The following PTDSS1 variants were observed in gnomAD, a reference collection of about 807,000 sequenced individuals.
The protein encoded by PTDSS1 is phosphatidylserine synthase 1.
PTDSS1 carries 45 observed loss-of-function variants against 70.5 expected under a neutral mutation model. That is an observed-to-expected ratio of 0.64 (90% confidence interval 0.50 to 0.82). PTDSS1 has a LOEUF of 0.82. Ranked by LOEUF, PTDSS1 falls within the 40% of genes least tolerant of loss-of-function variation. PTDSS1 has a pLI of 0.00. For missense variants in PTDSS1, 417 were observed against 586.1 expected (o/e 0.71, Z 2.98); for synonymous variants, 188 against 203.8 (o/e 0.92, Z 0.66).
At chr8:96,318,052 GGCTGGCTCAT>G (rs961369371) in intron 9 of PTDSS1, among the ~76,000 whole-genome samples, 4 of 151,760 alleles carry the variant, frequency 2.6e-5, no homozygotes, top group Middle Eastern at 3.4e-3. Context: ...AGGGCCCTCA[GGCTGGCTCAT>G]GCCTGTAATC....
At chr8:96,280,305 C>A (rs186814359) in intron 2 of PTDSS1, among the ~76,000 whole-genome samples, 1 of 152,148 alleles carries the variant, frequency 6.6e-6, no homozygotes, top group East Asian at 1.9e-4. Flanking sequence ...GCGGATCACT[C>A]GAGGTCAGGA....
chr8:96,286,698 C>G (rs544411996), intron 3 of PTDSS1, among the ~76,000 whole-genome samples: 2 of 152,262 alleles, frequency 1.3e-5, no homozygotes, highest in East Asian at 3.9e-4. Flanking sequence ...TTTCGGAAAC[C>G]GACCTGCATG....
intron 12 of PTDSS1, 46 bp from the exon 13 acceptor site, chr8:96,333,411 A>G (rs1474119411): frequency 7.1e-6 from 11 of 1,546,868 alleles, no homozygotes; most frequent in African/African-American, 4.1e-5. Flanking sequence ...ACAGTCACCA[A>G]TCTCCAGAGC....
chr8:96,294,826 T>G (rs1274922599), intron 4 of PTDSS1, among the ~76,000 whole-genome samples: 1 of 152,214 alleles, frequency 6.6e-6, no homozygotes, highest in Non-Finnish European at 1.5e-5. Context: ...TGATACCACT[T>G]CTTTAGGATA....
chr8:96,317,138 C>A (rs13255914), intron 9 of PTDSS1, among the ~76,000 whole-genome samples: 67,640 of 150,730 alleles, frequency 0.45, 15,714 homozygotes, highest in Non-Finnish European at 0.48. Flanking sequence ...TGCTCTAGAC[C>A]CTCTAGGATC....
chr8:96,299,830 A>T lies in PTDSS1; in HGVS notation c.737A>T (p.His246Leu). 6.2e-7 allele frequency: 1 copy of T among 1,612,256 alleles called. No individual in the cohort carries two copies. The highest frequency in any genetic ancestry group is 1.1e-5 in the South Asian group (1 of 90,468). ...CGGTTTTTAGAGATGAGGACTTACC[A>T]CTGGGCAAGCTTCAAGTGAGTTGCC... The part of the protein sequence containing the change: ...VCRFLEMRTY[H>L]WASFKDIHTT... Residue 246 changes from histidine (H) to leucine (L), a missense_variant, in exon 6 of 13, where the codon CAC (histidine) becomes CTC (leucine). This residue lies in a region of PTDSS1 where 272 missense variants were observed against 429.5 expected (regional missense o/e 0.63). Transcript: ENST00000517309.
intron 1 of PTDSS1, among the ~76,000 whole-genome samples, chr8:96,271,005 C>T (rs1810558547): frequency 6.6e-6 from 1 of 152,112 alleles, no homozygotes; most frequent in African/African-American, 2.4e-5. Context: ...ACTGATTTGC[C>T]ATGGCCATTT....
intron 5 of PTDSS1, among the ~76,000 whole-genome samples, chr8:96,296,132 CTTTTTTTTTTTTTT>C (rs34559310): frequency 9.2e-5 from 5 of 54,282 alleles, no homozygotes; most frequent in East Asian, 9.3e-4. Context: ...TCATGGTGTT[CTTTTTTTTTTTTTT>C]TTTTTTTTTT....
intron 9 of PTDSS1, among the ~76,000 whole-genome samples, chr8:96,316,218 G>C (rs1426502419): frequency 6.6e-6 from 1 of 152,182 alleles, no homozygotes; most frequent in Admixed American, 6.5e-5. Flanking sequence ...TAGCCTCCCT[G>C]CTTCTGCTCT....
intron 9 of PTDSS1, among the ~76,000 whole-genome samples, chr8:96,318,322 T>TA (rs11455106): frequency 0.4 from 58,850 of 148,368 alleles, 11,864 homozygotes; most frequent in Non-Finnish European, 0.43. Flanking sequence ...AGACTCTATT[T>TA]AAAAAAAAAA....
At chr8:96,283,163 A>G (rs1810767025) in intron 2 of PTDSS1, among the ~76,000 whole-genome samples, 1 of 152,214 alleles carries the variant, frequency 6.6e-6, no homozygotes, top group East Asian at 1.9e-4. Context: ...CTAGCTCCTG[A>G]GGCCAAGCCT....
intron 5 of PTDSS1, among the ~76,000 whole-genome samples, chr8:96,296,079 C>A (rs893656612): frequency 3.3e-5 from 5 of 151,416 alleles, no homozygotes; most frequent in African/African-American, 4.9e-5. Flanking sequence ...ATGCATGACC[C>A]CTTCCTGGTC....
chr8:96,323,310 CT>C (rs1229017010), intron 10 of PTDSS1, among the ~76,000 whole-genome samples: 1 of 152,244 alleles, frequency 6.6e-6, no homozygotes, highest in East Asian at 1.9e-4. Context: ...CACATTTCTC[CT>C]TGGCATTGCC....
intron 2 of PTDSS1, among the ~76,000 whole-genome samples, chr8:96,273,971 TA>T (rs1810603959): frequency 6.6e-6 from 1 of 152,202 alleles, no homozygotes; most frequent in African/African-American, 2.4e-5. Flanking sequence ...AGCTTTTGTT[TA>T]AAAAGTAAGT....
At chr8:96,290,208 T>G (rs901825447) in intron 4 of PTDSS1, among the ~76,000 whole-genome samples, 2 of 152,204 alleles carry the variant, frequency 1.3e-5, no homozygotes, top group African/African-American at 4.8e-5. Context: ...AAATAAGTGC[T>G]TTGATGCTCA....
At chr8:96,283,219 G>C (rs1405951055) in intron 2 of PTDSS1, among the ~76,000 whole-genome samples, 1 of 152,194 alleles carries the variant, frequency 6.6e-6, no homozygotes, top group Non-Finnish European at 1.5e-5. Context: ...AAAGAAGGCT[G>C]GGAAACAAGC....
chr8:96,289,800 A>G (rs939081457), intron 4 of PTDSS1, among the ~76,000 whole-genome samples: 23 of 152,338 alleles, frequency 1.5e-4, no homozygotes, highest in African/African-American at 5.5e-4. Flanking sequence ...ATTGTTATCT[A>G]TAAATTTTTT....
intron 2 of PTDSS1, among the ~76,000 whole-genome samples, chr8:96,281,895 C>A (rs546667700): frequency 2.6e-5 from 4 of 152,184 alleles, no homozygotes; most frequent in Admixed American, 2.6e-4. Context: ...AATGATGACA[C>A]CTTTGTCACT....
chr8:96,280,090 A>G (rs1209231636), intron 2 of PTDSS1, among the ~76,000 whole-genome samples: 1 of 152,186 alleles, frequency 6.6e-6, no homozygotes, highest in African/African-American at 2.4e-5. Flanking sequence ...TTTTCTAGGT[A>G]TAACAGTTTC....
Sources: gnomAD v4.1 joint callset for allele counts (sites outside exome capture counted in the v4.1 genomes callset) on GRCh38, gnomAD v4.1.1 for gene constraint, gnomAD v4.1.1 regional missense constraint, MANE v1.5 for transcripts, NCBI Gene and HGNC (gene_info 2026-07-23, HGNC 2026-07-21) for gene names.